RALYL: variants seen among roughly 807,000 people sequenced by gnomAD.
The protein encoded by RALYL is RALY RNA binding protein like, also known as RNA-binding Raly-like protein.
In RALYL, 29 loss-of-function variants were observed where a neutral mutation model predicts 35.1. The ratio of observed to expected loss-of-function variants is 0.83; its 90% CI spans 0.61 to 1.13. RALYL has a LOEUF of 1.13. Ranked by LOEUF, RALYL falls within the 50% of genes most tolerant of loss-of-function variation. The probability of loss-of-function intolerance (pLI) is 0.00; values close to 1 mark genes in which losing one functional copy is unlikely to be tolerated. For synonymous variants in RALYL, 120 were observed against 127.6 expected (o/e 0.94, Z 0.40); for missense variants, 359 against 360.4 (o/e 1.00, Z 0.03).
chr8:84,732,707 AT>A (rs1281837378), intron 2 of RALYL, among the ~76,000 whole-genome samples: 10 of 102,694 alleles, frequency 9.7e-5, no homozygotes, highest in Non-Finnish European at 1.2e-4. Context: ...CATATATATA[AT>A]TTTTTTTAGA....
At chr8:84,750,747 C>CT (rs1647559332) in intron 2 of RALYL, among the ~76,000 whole-genome samples, 1 of 152,052 alleles carries the variant, frequency 6.6e-6, no homozygotes, top group Non-Finnish European at 1.5e-5. Flanking sequence ...GCATGCTCAG[C>CT]CCCCTTACCA....
At chr8:84,883,354 T>A (rs1207469688) in intron 7 of RALYL, among the ~76,000 whole-genome samples, 4 of 152,050 alleles carry the variant, frequency 2.6e-5, no homozygotes, top group Admixed American at 2.6e-4. Flanking sequence ...TAGTTTGTTC[T>A]CATGCTGCTA....
chr8:84,426,061 T>C (rs2046395610), intron 1 of RALYL, among the ~76,000 whole-genome samples: 1 of 152,216 alleles, frequency 6.6e-6, no homozygotes, highest in Non-Finnish European at 1.5e-5. Flanking sequence ...AAAATGTTTT[T>C]ACTAATTTAT....
At position 84,771,218 on chromosome 8, in the gene RALYL, C is replaced by T. The variant is rs1374464254; in HGVS notation, c.257-3361C>T. ...ATTTCCTATGGCCCTAATTCATTTT[C>T]TCTCTCTCTCTCTGTCTCTGTCATT... On this transcript the variant is annotated intron_variant, in intron 2 of 8. Transcript: ENST00000521268. Among the ~76,000 whole-genome samples, 4 of 150,574 alleles carry T rather than the reference C, an allele frequency of 2.7e-5. No individual in the cohort carries two copies. In the South Asian group the frequency reaches 6.3e-4, roughly 24 times the overall value.
chr8:84,622,667 C>T (rs1273609481), intron 2 of RALYL, among the ~76,000 whole-genome samples: 1 of 152,076 alleles, frequency 6.6e-6, no homozygotes, highest in African/African-American at 2.4e-5. Flanking sequence ...ATTTAGTTTC[C>T]TTGCTGTCAT....
chr8:84,508,753 A>C (rs2057374674), intron 1 of RALYL, among the ~76,000 whole-genome samples: 1 of 152,046 alleles, frequency 6.6e-6, no homozygotes. Flanking sequence ...GAAATTGAGA[A>C]TACAACGTTG....
intron 2 of RALYL, among the ~76,000 whole-genome samples, chr8:84,754,930 T>G (rs920362485): frequency 6.6e-6 from 1 of 152,192 alleles, no homozygotes; most frequent in African/African-American, 2.4e-5. Flanking sequence ...GTGGTACAAA[T>G]TTCTTTTTGG....
At chr8:84,221,311 G>A (rs950831419) in intron 1 of RALYL, among the ~76,000 whole-genome samples, 3 of 151,888 alleles carry the variant, frequency 2.0e-5, no homozygotes, top group Non-Finnish European at 4.4e-5. Flanking sequence ...GTGCATGTGC[G>A]TGCAAAGAGA....
intron 2 of RALYL, among the ~76,000 whole-genome samples, chr8:84,570,408 A>C (rs1226610875): frequency 6.6e-6 from 1 of 151,618 alleles, no homozygotes; most frequent in Non-Finnish European, 1.5e-5. Flanking sequence ...TAGAAACGTT[A>C]CTGAGTTGTG....
chr8:84,685,391 G>A (rs186834663), intron 2 of RALYL, among the ~76,000 whole-genome samples: 113 of 152,046 alleles, frequency 7.4e-4, no homozygotes, highest in African/African-American at 2.7e-3. Flanking sequence ...TTCCCTTCCT[G>A]CTCTTTACCC....
At chr8:84,817,483 T>G (rs939336344) in intron 4 of RALYL, among the ~76,000 whole-genome samples, 1 of 151,584 alleles carries the variant, frequency 6.6e-6, no homozygotes, top group African/African-American at 2.4e-5. Flanking sequence ...AGCAATTTGT[T>G]TAACTTTCCT....
intron 1 of RALYL, among the ~76,000 whole-genome samples, chr8:84,324,994 G>C (rs113930617): frequency 0.027 from 4,125 of 152,136 alleles, 103 homozygotes; most frequent in Non-Finnish European, 0.031. Flanking sequence ...ATCATACTGT[G>C]TATATATACT....
intron 1 of RALYL, among the ~76,000 whole-genome samples, chr8:84,191,397 T>C (rs1259439384): frequency 2.0e-5 from 3 of 152,206 alleles, no homozygotes; most frequent in African/African-American, 7.2e-5. Flanking sequence ...ATTTACTAGC[T>C]ATGTCTACTG....
chr8:84,916,109 A>T (rs1295064740), intron 8 of RALYL, among the ~76,000 whole-genome samples: 1 of 151,728 alleles, frequency 6.6e-6, no homozygotes, highest in Non-Finnish European at 1.5e-5. Context: ...AAACAATCAT[A>T]AAAGGAAAAG....
intron 2 of RALYL, among the ~76,000 whole-genome samples, chr8:84,568,571 G>A (rs2061960003): frequency 0.036 from 1 of 28 alleles, no homozygotes; most frequent in African/African-American, 0.071. Context: ...ACCCAGTAAT[G>A]AGAGTGGCTG....
intron 1 of RALYL, among the ~76,000 whole-genome samples, chr8:84,488,222 A>G (rs1477120992): frequency 2.0e-5 from 3 of 152,100 alleles, no homozygotes; most frequent in Non-Finnish European, 2.9e-5. Context: ...TTGTATGAGC[A>G]GCTTCACCAG....
intron 4 of RALYL, among the ~76,000 whole-genome samples, chr8:84,839,716 C>T (rs1832791974): frequency 6.6e-6 from 1 of 152,222 alleles, no homozygotes; most frequent in Admixed American, 6.5e-5. Context: ...GGAGGCACTC[C>T]CCAGTAGGGG....
At chr8:84,799,259 G>A (rs1463207615) in intron 3 of RALYL, among the ~76,000 whole-genome samples, 1 of 152,148 alleles carries the variant, frequency 6.6e-6, no homozygotes, top group Non-Finnish European at 1.5e-5. Flanking sequence ...GTGTTACAGA[G>A]TGCTATGAAA....
At chr8:84,362,313 G>A (rs1853213458) in intron 1 of RALYL, among the ~76,000 whole-genome samples, 1 of 152,146 alleles carries the variant, frequency 6.6e-6, no homozygotes, top group South Asian at 2.1e-4. Flanking sequence ...GAGGCACCAA[G>A]ATTGAAGTGA....
Sources: gnomAD v4.1 joint callset for allele counts (sites outside exome capture counted in the v4.1 genomes callset) on GRCh38, gnomAD v4.1.1 for gene constraint, MANE v1.5 for transcripts, NCBI Gene and HGNC (gene_info 2026-07-23, HGNC 2026-07-21) for gene names.